The following PDXDC1 variants were observed in gnomAD, a reference collection of about 807,000 sequenced individuals.
The protein encoded by PDXDC1 is pyridoxal dependent decarboxylase domain containing 1, also known as pyridoxal-dependent decarboxylase domain-containing protein 1.
Under a neutral mutation model 100.1 loss-of-function variants are expected in PDXDC1, and 42 were observed. The observed-to-expected ratio is 0.42, with a 90% CI of 0.33 to 0.54. The LOEUF (loss-of-function observed/expected upper bound fraction) is 0.54, where lower values mean the gene tolerates loss of function less well. PDXDC1 is among the 20% of genes least tolerant of loss of function. The pLI is 0.10. For synonymous variants in PDXDC1, 260 were observed against 371.7 expected (o/e 0.70, Z 3.46); for missense variants, 636 against 979.2 (o/e 0.65, Z 4.68).
At chr16:15,142,419 G>C (rs1014607290), downstream of PDXDC1, among the ~76,000 whole-genome samples, 2 of 152,126 alleles carry the variant, frequency 1.3e-5, no homozygotes, top group African/African-American at 4.8e-5. Flanking sequence ...ATGCAGCAAG[G>C]TCTTGGGGAC....
At chr16:15,117,652 C>A (rs2047283749) in intron 16 of PDXDC1, among the ~76,000 whole-genome samples, 2 of 124,286 alleles carry the variant, frequency 1.6e-5, no homozygotes, top group Admixed American at 1.7e-4. Flanking sequence ...GAGATCACAC[C>A]ATTATACTCC....
intron 14 of PDXDC1, among the ~76,000 whole-genome samples, chr16:15,028,136 C>T (rs2042766193): frequency 6.6e-6 from 1 of 152,296 alleles, no homozygotes; most frequent in Non-Finnish European, 1.5e-5. Flanking sequence ...TTCTGCCTTC[C>T]CCCCTTCCAC....
At chr16:15,125,887 A>G in intron 16 of PDXDC1, 1 of 723,916 alleles carries the variant, frequency 1.4e-6, no homozygotes, top group Admixed American at 2.0e-5. Context: ...TCCTCAGCAG[A>G]CAGGACAGAG....
intron 16 of PDXDC1, among the ~76,000 whole-genome samples, chr16:15,090,564 A>C (rs2046090461): frequency 1.3e-5 from 2 of 152,236 alleles, no homozygotes; most frequent in Admixed American, 1.3e-4. Flanking sequence ...ACACCTGTGA[A>C]TAGCCAGAGC....
intron 3 of PDXDC1, among the ~76,000 whole-genome samples, chr16:14,999,520 A>G (rs1465746914): frequency 6.6e-6 from 1 of 152,208 alleles, no homozygotes; most frequent in Non-Finnish European, 1.5e-5. Flanking sequence ...GCCACCCTGA[A>G]CAACATGGCG....
chr16:15,070,238 G>C, intron 16 of PDXDC1: 1 of 1,611,106 alleles, frequency 6.2e-7, no homozygotes, highest in Non-Finnish European at 8.5e-7. Context: ...AAAAGATCTA[G>C]GCATGATTTT....
chr16:15,135,976 G>C (rs1207249140), intron 16 of PDXDC1: 4 of 1,567,962 alleles, frequency 2.6e-6, no homozygotes, highest in Non-Finnish European at 3.5e-6. Flanking sequence ...ACCCCGGCTG[G>C]TGGGCCCGAG....
chr16:15,143,490 G>A (rs1349895467), downstream of PDXDC1, among the ~76,000 whole-genome samples: 9 of 152,298 alleles, frequency 5.9e-5, no homozygotes, highest in South Asian at 8.3e-4. Flanking sequence ...ACCCCAGGTC[G>A]GGCCCCCTCG....
chr16:15,146,210 T>C, the PDXDC1 span, among the ~76,000 whole-genome samples: 1 of 151,978 alleles, frequency 6.6e-6, no homozygotes, highest in Non-Finnish European at 1.5e-5. Flanking sequence ...CTCACAGAGA[T>C]GCCCTGGCCT....
chr16:15,129,794 C>T lies in PDXDC1; in HGVS notation c.1400-9085C>T, dbSNP rs572964852. 1.7e-3 allele frequency: 1,176 copies of T among 705,940 alleles called. 8 individuals are homozygous for T. In the African/African-American group the frequency reaches 0.017, roughly 10 times the overall value. 43.7% of individuals were successfully genotyped at this position (705,940 alleles called of 1,614,324 possible). A position where few individuals can be genotyped will look rare whatever the true frequency, so the allele number is the denominator to read the frequency against. ...CACTGCAAAAACTGCCTTGTTCTGA[C>T]GTCTGCGATGAGACTCACTCCCAGA... is the stretch of plus-strand genomic sequence containing the variant. On this transcript the variant is annotated intron_variant, in intron 16 of 16. Transcript: ENST00000535621.
chr16:15,016,400 T>C, intron 9 of PDXDC1, 187 bp downstream of exon 9: 1 of 1,322,238 alleles, frequency 7.6e-7, no homozygotes. Context: ...CAAAGAGCAG[T>C]GTTATGACTG....
At position 15,123,300 on chromosome 16, in the gene PDXDC1, G is replaced by A. The variant is rs1406310438; in HGVS notation, c.1400-15579G>A. On this transcript the variant is annotated intron_variant, in intron 16 of 16. Coordinates refer to the PDXDC1 transcript ENST00000535621. ...TGGAACCTTCACAAACCTGATTTCTGGTCCACCCCAACCAGCTCCCTGTCC... is the reference window on the plus strand; with the variant it reads ...TGGAACCTTCACAAACCTGATTTCTAGTCCACCCCAACCAGCTCCCTGTCC... 6.2e-6 allele frequency: 9 copies of A among 1,461,892 alleles called. No homozygotes were observed. In the South Asian group the frequency reaches 1.1e-4, roughly 18 times the overall value. The allele number at this position is 1,461,892 out of a possible 1,614,324, so 90.6% of individuals were successfully genotyped here.
intron 16 of PDXDC1, among the ~76,000 whole-genome samples, chr16:15,095,107 G>A (rs1392571984): frequency 6.6e-6 from 1 of 152,050 alleles, no homozygotes; most frequent in Non-Finnish European, 1.5e-5. Flanking sequence ...CAAAGTGCTG[G>A]GATTACAAGC....
chr16:15,009,927 T>C (rs1167278476), intron 8 of PDXDC1, among the ~76,000 whole-genome samples, 168 bp downstream of exon 8: 1 of 152,306 alleles, frequency 6.6e-6, no homozygotes, highest in African/African-American at 2.4e-5. Flanking sequence ...TCGTTAGATT[T>C]TTCTTTAATC....
intron 16 of PDXDC1, among the ~76,000 whole-genome samples, chr16:15,058,119 G>A (rs1423994272): frequency 6.6e-6 from 1 of 151,990 alleles, no homozygotes; most frequent in Non-Finnish European, 1.5e-5. Context: ...AGACGAGCCT[G>A]GACAACACAG....
At chr16:15,132,461 A>C (rs1156930994) in intron 16 of PDXDC1, among the ~76,000 whole-genome samples, 2 of 146,966 alleles carry the variant, frequency 1.4e-5, no homozygotes, top group East Asian at 4.1e-4. Flanking sequence ...TGGAAGGCAC[A>C]GAACAGCATC....
intron 1 of PDXDC1, among the ~76,000 whole-genome samples, chr16:14,994,103 GA>G (rs1389552771): frequency 1.3e-5 from 2 of 152,402 alleles, no homozygotes; most frequent in African/African-American, 4.8e-5. Flanking sequence ...TGTTCACTCT[GA>G]TGGTAGTTTC....
chr16:15,087,912 C>T (rs529986574), intron 16 of PDXDC1, among the ~76,000 whole-genome samples: 1 of 151,882 alleles, frequency 6.6e-6, no homozygotes, highest in South Asian at 2.1e-4. Flanking sequence ...GTTGGGAGTT[C>T]GAGATGAGCC....
In PDXDC1 at chr16:15,028,940, C is replaced by T; in HGVS notation, c.1267C>T (p.His423Tyr). 1 of 1,613,592 alleles carries T rather than the reference C, an allele frequency of 6.2e-7. No homozygotes were observed. Among genetic ancestry groups the T allele is most frequent in the Admixed American group, 1.7e-5 (1 of 60,030 alleles). Reference protein sequence around the residue: ...MTPSGVGRERHSCDALNRWLG... With the variant: ...MTPSGVGRERYSCDALNRWLG... ...ACCTTCAGGAGTCGGCCGGGAGAGG[C>T]ACTCGTGTGACGCGCTGAATCGCTG... The change falls in exon 15 of 23, where the codon CAC becomes TAC. Residue 423 changes from histidine (H) to tyrosine (Y), a missense_variant. His to Tyr is a moderately conservative substitution (Grantham distance 83, BLOSUM62 2). This residue lies in a region of PDXDC1 where 44 missense variants were observed against 46.9 expected (regional missense o/e 0.94). Coordinates refer to ENST00000396410, the MANE Select transcript of PDXDC1 (RefSeq NM_015027.4).
Sources: allele counts gnomAD v4.1 joint callset (sites outside exome capture counted in the v4.1 genomes callset), GRCh38; gene constraint gnomAD v4.1.1; regional missense constraint gnomAD v4.1.1; transcripts MANE v1.5; gene names NCBI Gene and HGNC (gene_info 2026-07-23, HGNC 2026-07-21).